IL26: variants seen among roughly 807,000 people sequenced by gnomAD.
IL26 encodes interleukin-26.
IL26 carries 23 observed loss-of-function variants against 21.7 expected under a neutral mutation model. That is an observed-to-expected ratio of 1.06 (90% confidence interval 0.76 to 1.50). The LOEUF (loss-of-function observed/expected upper bound fraction) is 1.50. IL26 is among the 40% of genes most tolerant of loss of function. The pLI, the probability that IL26 is intolerant of heterozygous loss-of-function variation, is 0.00. For missense variants in IL26, 204 were observed against 196.0 expected, an observed-to-expected ratio of 1.04 and a Z score of -0.24; for synonymous variants, 63 against 67.8, an observed-to-expected ratio of 0.93 and a Z score of 0.34.
chr12:68,207,322 C>G (rs1565736579), intron 3 of IL26, among the ~76,000 whole-genome samples: 1 of 152,194 alleles, frequency 6.6e-6, no homozygotes, highest in Non-Finnish European at 1.5e-5. Context: ...CCAGCATCAC[C>G]AGTGGCACTT....
Position 68,202,529 on chromosome 12 carries a change from G to A in IL26, c.364-446C>T, listed in dbSNP as rs11571064. ...GAGGCCTCAGGAAACTTACAATCAC[G>A]GCAGAAGGTGAAGGGAAACCAAGGC... is the stretch of plus-strand genomic sequence containing the variant. On this transcript the variant is annotated intron_variant, in intron 3 of 4. Transcript: ENST00000229134. Among the ~76,000 whole-genome samples, 412 of 152,250 alleles carry A rather than the reference G, an allele frequency of 2.7e-3. 2 individuals are homozygous for A. Among genetic ancestry groups the A allele is most frequent in the African/African-American group, 8.5e-3 (354 of 41,544 alleles).
intron 3 of IL26, among the ~76,000 whole-genome samples, chr12:68,203,348 A>G (rs983163907): frequency 6.6e-6 from 1 of 152,226 alleles, no homozygotes; most frequent in Non-Finnish European, 1.5e-5. Flanking sequence ...TAATTTATCT[A>G]CTTAGTTTTT....
intron 3 of IL26, among the ~76,000 whole-genome samples, chr12:68,207,487 A>C (rs1348030709): frequency 6.6e-6 from 1 of 152,234 alleles, no homozygotes; most frequent in Non-Finnish European, 1.5e-5. Context: ...TTTTAAGTGG[A>C]TATTCACAGC....
At chr12:68,225,525 GT>G (rs745696110) in intron 1 of IL26, 25 bp from the exon 2 acceptor site, 3 of 1,598,790 alleles carry the variant, frequency 1.9e-6, no homozygotes, top group Non-Finnish European at 2.6e-6. Context: ...AGAGAAATAA[GT>G]TGTATCCAAG....
At chr12:68,222,098 C>T (rs559130927) in intron 3 of IL26, among the ~76,000 whole-genome samples, 1 of 152,220 alleles carries the variant, frequency 6.6e-6, no homozygotes, top group East Asian at 1.9e-4. Flanking sequence ...CTCTGGTATC[C>T]ATTAAAAATT....
intron 3 of IL26, among the ~76,000 whole-genome samples, chr12:68,217,045 A>G (rs1868903450): frequency 1.4e-5 from 2 of 144,138 alleles, no homozygotes; most frequent in Admixed American, 1.4e-4. Flanking sequence ...TCCAAATATT[A>G]TGGCTAGGAA....
chr12:68,225,776 C>T lies in IL26; in HGVS notation c.-20G>A, dbSNP rs761215866. On this transcript the variant is annotated 5_prime_UTR_variant, in exon 1 of 5. Transcript: ENST00000229134. Reference sequence around the variant, plus strand: ...CAGCATTTCCCTTCACCCCACTCAGCGTGTGTCACTCACAGCAGCCCAAGA... The same window carrying T: ...CAGCATTTCCCTTCACCCCACTCAGTGTGTGTCACTCACAGCAGCCCAAGA... The T allele has an allele frequency of 3.1e-5, 50 of 1,611,690 alleles. No homozygotes were observed. The highest frequency in any genetic ancestry group is 4.5e-5 in the East Asian group (2 of 44,888).
chr12:68,203,157 G>T (rs953492334), intron 3 of IL26, among the ~76,000 whole-genome samples: 5 of 152,178 alleles, frequency 3.3e-5, no homozygotes, highest in Admixed American at 3.3e-4. Context: ...CAGCTGGCTT[G>T]TAGGCTGGCT....
At chr12:68,222,959 C>T (rs1278028295) in intron 3 of IL26, among the ~76,000 whole-genome samples, 1 of 152,182 alleles carries the variant, frequency 6.6e-6, no homozygotes, top group Non-Finnish European at 1.5e-5. Context: ...TAAGCCCTCT[C>T]CCAACCACTG....
intron 1 of IL26, 24 bp from the exon 2 acceptor site, chr12:68,225,524 A>T: frequency 6.3e-7 from 1 of 1,597,924 alleles, no homozygotes; most frequent in Non-Finnish European, 8.6e-7. Flanking sequence ...AAGAGAAATA[A>T]GTTGTATCCA....
At chr12:68,222,231 C>G (rs1247622790) in intron 3 of IL26, among the ~76,000 whole-genome samples, 1 of 152,172 alleles carries the variant, frequency 6.6e-6, no homozygotes, top group Non-Finnish European at 1.5e-5. Context: ...ATACAAAATA[C>G]ATAATTACTG....
chr12:68,220,964 C>T lies in IL26; in HGVS notation c.363+4185G>A, dbSNP rs11570994. 9.3e-3 allele frequency among the ~76,000 whole-genome samples: 1,409 copies of T among 152,268 alleles called. 30 individuals carry two copies. Among genetic ancestry groups the T allele is most frequent in the African/African-American group, 0.031 (1,300 of 41,562 alleles). On this transcript the variant is annotated intron_variant, in intron 3 of 4. Coordinates refer to ENST00000229134, the MANE Select transcript of IL26 (RefSeq NM_018402.2). ...ATTCTTATATATTCTCCCTTGTATA[C>T]AAATATATTAATGTTAAATATAGTC...
intron 3 of IL26, among the ~76,000 whole-genome samples, chr12:68,224,684 G>A (rs1245662244): frequency 6.9e-6 from 1 of 145,524 alleles, no homozygotes; most frequent in Non-Finnish European, 1.5e-5. Flanking sequence ...GAAGGAGGGT[G>A]GAGGAAGAGA....
At chr12:68,205,455 G>A (rs560738118) in intron 3 of IL26, among the ~76,000 whole-genome samples, 27 of 152,234 alleles carry the variant, frequency 1.8e-4, no homozygotes, top group African/African-American at 6.3e-4. Flanking sequence ...GAAATAAGCT[G>A]TAGAAAAGAC....
At chr12:68,224,863 A>G (rs2120484441) in intron 3 of IL26, among the ~76,000 whole-genome samples, 1 of 152,332 alleles carries the variant, frequency 6.6e-6, no homozygotes, top group South Asian at 2.1e-4. Flanking sequence ...GAATCACATA[A>G]TGAGAGAATG....
chr12:68,220,997 T>A (rs575382070), intron 3 of IL26, among the ~76,000 whole-genome samples: 1 of 152,332 alleles, frequency 6.6e-6, no homozygotes, highest in South Asian at 2.1e-4. Flanking sequence ...GTCATAAGAA[T>A]TCTGCATGCT....
rs149872597 is a variant in IL26 at position 68,225,645 on chromosome 12, A to G, written c.112T>C (p.Leu38=). 225 of 1,614,054 alleles carry G rather than the reference A, an allele frequency of 1.4e-4. No individual in the cohort carries two copies. The African/African-American group carries it at 2.6e-3, about 19-fold the overall frequency. Residue 38 remains leucine, a synonymous_variant, in exon 1 of 5, where the codon TTG becomes CTG. Coordinates refer to ENST00000229134, the MANE Select transcript of IL26 (RefSeq NM_018402.2). ...FTKSCYPRGT[L]SQAVDALYIK... ...TAGAGAGCGTCAACAGCTTGGGACAATGTTCCCCTTGGGTAACAACTTTTG... is the reference window on the plus strand; with the variant it reads ...TAGAGAGCGTCAACAGCTTGGGACAGTGTTCCCCTTGGGTAACAACTTTTG...
chr12:68,224,533 A>C (rs541961818), intron 3 of IL26, among the ~76,000 whole-genome samples: 1 of 151,938 alleles, frequency 6.6e-6, no homozygotes. Context: ...ATTTTTTTAA[A>C]AACATAAGTA....
At chr12:68,205,359 C>T (rs1868509711) in intron 3 of IL26, among the ~76,000 whole-genome samples, 1 of 144,972 alleles carries the variant, frequency 6.9e-6, no homozygotes, top group Non-Finnish European at 1.5e-5. Context: ...TAATAGCCTA[C>T]AGTTGACCGG....
Sources: gnomAD v4.1 joint callset for allele counts (sites outside exome capture counted in the v4.1 genomes callset) on GRCh38, gnomAD v4.1.1 for gene constraint, MANE v1.5 for transcripts, NCBI Gene and HGNC (gene_info 2026-07-23, HGNC 2026-07-21) for gene names.